NFATC1: variants seen among roughly 807,000 people sequenced by gnomAD.
NFATC1 encodes nuclear factor of activated T-cells, cytoplasmic 1.
In NFATC1, 22 loss-of-function variants were observed where a neutral mutation model predicts 76.0. The observed-to-expected ratio is 0.29, with a 90% CI of 0.21 to 0.41. NFATC1 has a LOEUF of 0.41. NFATC1 is among the 10% of genes least tolerant of loss of function. The probability of loss-of-function intolerance (pLI) is 1.00; values close to 1 mark genes in which losing one functional copy is unlikely to be tolerated. For missense variants in NFATC1, 1,357 were observed against 1,337.7 expected (o/e 1.01, Z -0.23); for synonymous variants, 704 against 613.1 (o/e 1.15, Z -2.19).
At chr18:79,406,768 G>A (rs756371982) in intron 1 of NFATC1, among the ~76,000 whole-genome samples, 26 of 152,088 alleles carry the variant, frequency 1.7e-4, no homozygotes, top group Admixed American at 8.5e-4. Flanking sequence ...AAACCCCCTC[G>A]TGGGTCCCCC....
rs1443131730 is a variant in NFATC1, at chr18:79,527,643, A to G, written c.*66A>G. On this transcript the variant is annotated 3_prime_UTR_variant, in exon 10 of 10. Transcript: ENST00000427363. ...CTTCAGCAGACAAAGACTTTTGAATAAATAAACTGAACTCACACCTGGTAC... is the reference window on the plus strand; with the variant it reads ...CTTCAGCAGACAAAGACTTTTGAATGAATAAACTGAACTCACACCTGGTAC... The G allele has an allele frequency of 2.4e-5, 35 of 1,431,124 alleles. 1 individual carries two copies. Among genetic ancestry groups the G allele is most frequent in the Admixed American group, 3.4e-5 (2 of 58,460 alleles). The allele number at this position is 1,431,124 out of a possible 1,614,324, so 88.7% of individuals were successfully genotyped here.
chr18:79,507,212 T>C (rs1433529724), intron 9 of NFATC1, among the ~76,000 whole-genome samples: 2 of 152,238 alleles, frequency 1.3e-5, no homozygotes, highest in South Asian at 2.1e-4. Flanking sequence ...CAGCTGCTGT[T>C]ATTTTAGATA....
chr18:79,449,370 C>T (rs2087359667), intron 4 of NFATC1, among the ~76,000 whole-genome samples: 1 of 152,232 alleles, frequency 6.6e-6, no homozygotes, highest in African/African-American at 2.4e-5. Context: ...GTTCCGACAA[C>T]ACGGATAGGC....
rs539798669 is a variant in NFATC1, at chr18:79,452,389, C to T, written c.1903+573C>T. ...GTGTTGCGCTGGCCCAGCCTGGAGG[C>T]TCCGGGGCTGAACTTGGAAGGGCAG... On this transcript the variant is annotated intron_variant, in intron 6 of 9. Transcript: ENST00000427363. Among the ~76,000 whole-genome samples the T allele has an allele frequency of 2.6e-5, 4 of 152,328 alleles. No individual in the cohort carries two copies. In the South Asian group the frequency reaches 8.3e-4, roughly 32 times the overall value.
At chr18:79,400,521 C>T (rs1248746677) in intron 1 of NFATC1, 12 of 1,367,886 alleles carry the variant, frequency 8.8e-6, no homozygotes, top group Non-Finnish European at 1.1e-5. Context: ...GGGGCCAGGT[C>T]GGGGTTTGGG....
chr18:79,407,136 C>G (rs1008752133), intron 1 of NFATC1, among the ~76,000 whole-genome samples: 1 of 152,390 alleles, frequency 6.6e-6, no homozygotes, highest in Non-Finnish European at 1.5e-5. Context: ...GAAACCTCAC[C>G]TTCTCCCGGA....
chr18:79,515,297 C>T lies in NFATC1; in HGVS notation c.2783-12231C>T, dbSNP rs1284134785. Among the ~76,000 whole-genome samples, 4 of 150,236 alleles carry T rather than the reference C, an allele frequency of 2.7e-5. No individual in the cohort carries two copies. The South Asian group carries it at 8.5e-4, about 32-fold the overall frequency. ...AAGGTTGCAGTGAGCAGAGATCGCG[C>T]CACTGCACTCCTGCCTGGGTGACAG... On this transcript the variant is annotated intron_variant, in intron 9 of 9. Transcript: ENST00000427363.
intron 3 of NFATC1, among the ~76,000 whole-genome samples, chr18:79,437,890 G>A (rs2086838716): frequency 6.6e-6 from 1 of 152,236 alleles, no homozygotes. Flanking sequence ...GCTCACCTCG[G>A]TATGTAGGCA....
rs1304469980 is a variant in NFATC1, at chr18:79,465,590, C to T, written c.1960-1860C>T. On this transcript the variant is annotated intron_variant, in intron 7 of 9. Coordinates refer to ENST00000427363, the MANE Select transcript of NFATC1 (RefSeq NM_001278669.2). The surrounding 1 kb of genome is among the most constrained non-coding windows in gnomAD (Gnocchi z 4.2). ...CCTGTCCCGTGGGGTCCCCGCCTCC[C>T]CACTCCTCGCTGCTGCCTGTGAGTG... Among the ~76,000 whole-genome samples, 1 of 152,226 alleles carries T rather than the reference C, an allele frequency of 6.6e-6. No individual in the cohort carries two copies. Among genetic ancestry groups the T allele is most frequent in the African/African-American group, 2.4e-5 (1 of 41,458 alleles).
At chr18:79,447,087 C>G (rs1380119912) in intron 3 of NFATC1, among the ~76,000 whole-genome samples, 1 of 152,162 alleles carries the variant, frequency 6.6e-6, no homozygotes, top group African/African-American at 2.4e-5. Flanking sequence ...CGTCGCTTCA[C>G]TGTGGCCTCC....
chr18:79,456,028 T>A (rs1052920575), intron 6 of NFATC1, among the ~76,000 whole-genome samples: 1 of 152,230 alleles, frequency 6.6e-6, no homozygotes, highest in Admixed American at 6.5e-5. Context: ...TTTCCAAGGC[T>A]GCCCTGCCAT....
At chr18:79,521,336 TGTGTAGGG>T (rs1426671970) in intron 9 of NFATC1, among the ~76,000 whole-genome samples, 1 of 53,818 alleles carries the variant, frequency 1.9e-5, no homozygotes, top group Non-Finnish European at 3.2e-5. Context: ...TGTGTGTGTG[TGTGTAGGG>T]GGGGAGCATC....
intron 8 of NFATC1, among the ~76,000 whole-genome samples, chr18:79,484,975 C>T (rs181039710): frequency 1.1e-4 from 16 of 152,358 alleles, no homozygotes; most frequent in South Asian, 6.2e-4. Flanking sequence ...CCAGCCGTGG[C>T]GGGGAACAGC....
chr18:79,481,670 G>A (rs890424060), intron 8 of NFATC1, among the ~76,000 whole-genome samples: 5 of 152,266 alleles, frequency 3.3e-5, no homozygotes, highest in Non-Finnish European at 4.4e-5. Flanking sequence ...GCGGGACTGA[G>A]AGCCATAGAC....
chr18:79,474,667 A>G (rs2144982938), intron 8 of NFATC1, among the ~76,000 whole-genome samples: 1 of 140,882 alleles, frequency 7.1e-6, no homozygotes, highest in African/African-American at 2.7e-5. Flanking sequence ...TGTAAACCTG[A>G]GGGAAGCGTG....
intron 9 of NFATC1, among the ~76,000 whole-genome samples, chr18:79,520,543 G>A (rs367910420): frequency 7.5e-6 from 1 of 134,072 alleles, no homozygotes; most frequent in African/African-American, 2.8e-5. Context: ...GGGGGGGGAG[G>A]GTGCATCCAC....
At chr18:79,399,893 C>T (rs1420940866) in intron 1 of NFATC1, among the ~76,000 whole-genome samples, 2 of 152,276 alleles carry the variant, frequency 1.3e-5, no homozygotes, top group East Asian at 1.9e-4. Flanking sequence ...CCCGGGGCTC[C>T]GCAGGGCGCG....
At chr18:79,500,769 G>A (rs1213331146) in intron 9 of NFATC1, among the ~76,000 whole-genome samples, 2 of 152,108 alleles carry the variant, frequency 1.3e-5, no homozygotes, top group African/African-American at 4.8e-5. Flanking sequence ...AACATTCTTA[G>A]ACACGAATTA....
intron 1 of NFATC1, among the ~76,000 whole-genome samples, chr18:79,401,214 C>G (rs1191939264): frequency 1.3e-5 from 2 of 151,316 alleles, no homozygotes; most frequent in Admixed American, 1.3e-4. Flanking sequence ...GGCTGGTCAC[C>G]GTCCGCCCCT....
Sources: gnomAD v4.1 joint callset for allele counts (sites outside exome capture counted in the v4.1 genomes callset) on GRCh38, gnomAD v4.1.1 for gene constraint, Gnocchi (gnomAD v3.1) non-coding constraint, MANE v1.5 for transcripts, NCBI Gene and HGNC (gene_info 2026-07-23, HGNC 2026-07-21) for gene names.